The following ATP13A3 variants were observed in gnomAD, a reference collection of about 807,000 sequenced individuals.
ATP13A3 encodes the protein ATPase 13A3, also known as polyamine-transporting ATPase 13A3.
A neutral mutation model predicts 158.1 loss-of-function variants in ATP13A3; 59 were observed. The ratio of observed to expected loss-of-function variants is 0.37; its 90% confidence interval spans 0.30 to 0.46. ATP13A3 has a LOEUF of 0.46. ATP13A3 is among the 20% of genes least tolerant of loss of function. The pLI, the probability that ATP13A3 is intolerant of heterozygous loss-of-function variation, is 1.00. For missense variants in ATP13A3, 1,166 were observed against 1,525.2 expected, an observed-to-expected ratio of 0.76 and a Z score of 3.92; for synonymous variants, 491 against 504.3, an observed-to-expected ratio of 0.97 and a Z score of 0.35.
intron 2 of ATP13A3, among the ~76,000 whole-genome samples, chr3:194,492,087 A>ATCT (rs2109097583): frequency 6.6e-6 from 1 of 152,000 alleles, no homozygotes; most frequent in East Asian, 1.9e-4. Context: ...TGGGTCCACA[A>ATCT]AGTCCAGTGC....
intron 7 of ATP13A3, 106 bp from the exon 8 acceptor site, chr3:194,456,068 T>G: frequency 4.8e-6 from 3 of 619,698 alleles, no homozygotes; most frequent in Non-Finnish European, 8.0e-6. Flanking sequence ...TTCTTATTCA[T>G]GTCTCCAAAC....
chr3:194,413,879 G>T (rs761141590), intron 31 of ATP13A3, 40 bp from the exon 32 acceptor site: 1 of 1,522,998 alleles, frequency 6.6e-7, no homozygotes, highest in Non-Finnish European at 9.1e-7. Flanking sequence ...ATTGTTGTAT[G>T]TAGTCAATAT....
chr3:194,455,904 G>C lies in ATP13A3; in HGVS notation c.619C>G (p.Leu207Val), dbSNP rs774954255. Residue 207 changes from leucine (L) to valine (V), a missense_variant, in exon 8 of 34, where the codon CTA becomes GTA. Leu to Val is a conservative substitution (Grantham distance 32). Transcript: ENST00000645319. ...AVKVPSVFKL[L>V]IKEVLNPFYI... The stretch of plus-strand genomic sequence containing the variant: ...ATCAATAGTCTTACCTCTTTAATTA[G>C]AAGCTTAAAAACAGAAGGCACTTTT... 2 of 1,541,022 alleles carry C rather than the reference G, an allele frequency of 1.3e-6. No individual in the cohort carries two copies. The highest frequency in any genetic ancestry group is 2.4e-5 in the South Asian group (2 of 83,310).
chr3:194,407,080 T>C (rs1414593848), intron 33 of ATP13A3, among the ~76,000 whole-genome samples: 3 of 152,188 alleles, frequency 2.0e-5, no homozygotes, highest in Admixed American at 6.5e-5. Flanking sequence ...GTAAACTCAA[T>C]AGAGGGCTGA....
chr3:194,449,984 T>C lies in ATP13A3; in HGVS notation c.970+161A>G, dbSNP rs536271011. Among the ~76,000 whole-genome samples, 20 of 152,214 alleles carry C rather than the reference T, an allele frequency of 1.3e-4. No individual in the cohort carries two copies. The South Asian group carries it at 1.5e-3, about 11-fold the overall frequency. On this transcript the variant is annotated intron_variant, in intron 11 of 33. Coordinates refer to ENST00000645319, the MANE Select transcript of ATP13A3 (RefSeq NM_001367549.1). Reference sequence around the variant, plus strand: ...CAGTATCTAGTATTACAGCTGAGTATAATGCAGAATTCGGTCTACTCAGAA... The same window carrying C: ...CAGTATCTAGTATTACAGCTGAGTACAATGCAGAATTCGGTCTACTCAGAA...
chr3:194,442,907 T>C (rs1718147172), intron 15 of ATP13A3, among the ~76,000 whole-genome samples: 1 of 152,116 alleles, frequency 6.6e-6, no homozygotes, highest in Non-Finnish European at 1.5e-5. Context: ...AACAGCTTCA[T>C]AGTATTGAGA....
intron 30 of ATP13A3, among the ~76,000 whole-genome samples, chr3:194,424,930 A>G (rs187539289): frequency 6.6e-6 from 1 of 152,290 alleles, no homozygotes; most frequent in African/African-American, 2.4e-5. Context: ...TATAATACCT[A>G]CTGTTCCAAC....
At chr3:194,465,241 GGGA>G in intron 2 of ATP13A3, among the ~76,000 whole-genome samples, 1 of 152,286 alleles carries the variant, frequency 6.6e-6, no homozygotes, top group African/African-American at 2.4e-5. Context: ...GGAACTCAGA[GGGA>G]GCCCAGCAGT....
At chr3:194,408,145 A>C (rs1247699188) in intron 33 of ATP13A3, among the ~76,000 whole-genome samples, 1 of 151,106 alleles carries the variant, frequency 6.6e-6, no homozygotes, top group Non-Finnish European at 1.5e-5. Context: ...TCAGCCTCCC[A>C]AGTAGCTGGG....
upstream of ATP13A3, among the ~76,000 whole-genome samples, chr3:194,491,776 CCATCTCTCACCTGGCATGCCCCCT>C (rs1159615293): frequency 1.1e-4 from 12 of 110,268 alleles, no homozygotes; most frequent in African/African-American, 2.5e-4. Context: ...CATGTCCCCT[CCATCTCTCACCTGGCATGCCCCCT>C]CATCTCTCAC....
At chr3:194,430,015 C>T (rs1284706205) in intron 26 of ATP13A3, 57 bp downstream of exon 26, 1 of 1,417,244 alleles carries the variant, frequency 7.1e-7, no homozygotes, top group African/African-American at 1.4e-5. Context: ...ATAATTTTCT[C>T]TTCTGTATTA....
intron 2 of ATP13A3, among the ~76,000 whole-genome samples, chr3:194,478,630 C>G (rs900945869): frequency 3.3e-5 from 5 of 152,108 alleles, no homozygotes; most frequent in Non-Finnish European, 4.4e-5. Context: ...AGGACAGGAT[C>G]AGATTATAAG....
intron 33 of ATP13A3, among the ~76,000 whole-genome samples, chr3:194,410,939 T>TGTTGGG (rs1553794333): frequency 0.014 from 1,260 of 92,800 alleles, 9 homozygotes; most frequent in African/African-American, 0.055. Context: ...GGTGTTGGGG[T>TGTTGGG]GTGTGTGTGT....
At position 194,448,336 on chromosome 3, in the gene ATP13A3, C is replaced by T; in HGVS notation, c.1150+121G>A. On this transcript the variant is annotated intron_variant, in intron 12 of 33. Coordinates refer to ENST00000645319, the MANE Select transcript of ATP13A3 (RefSeq NM_001367549.1). This position sits in a 1 kb window ranked among gnomAD's most constrained non-coding sequence, Gnocchi z 4.0. ...CTCATGATCCGCCCACCTCGGCTTC[C>T]CAAAGTGCTGGGATTACAGGCGTTA... The T allele has an allele frequency of 8.2e-7, 1 of 1,217,712 alleles. No individual in the cohort carries two copies. The highest frequency in any genetic ancestry group is 1.2e-6 in the Non-Finnish European group (1 of 857,626). 75.4% of individuals were successfully genotyped at this position (1,217,712 alleles called of 1,614,324 possible).
rs745800893 is a variant in ATP13A3 at position 194,433,905 on chromosome 3, AAAG to A, written c.2121-12_2121-10del. 37 of 1,612,732 alleles carry A rather than the reference AAAG, an allele frequency of 2.3e-5. No individual in the cohort carries two copies. The highest frequency in any genetic ancestry group is 3.1e-5 in the Non-Finnish European group (36 of 1,179,326). ...TGTTCTCAATTGCATCTCTGCAGAA[AAAG>A]AAGTTTTAACACATAATGGTTTAGT... On this transcript the variant is annotated splice_polypyrimidine_tract_variant and intron_variant, in intron 20 of 33. Coordinates refer to ENST00000645319, the MANE Select transcript of ATP13A3 (RefSeq NM_001367549.1).
At chr3:194,431,061 C>T (rs376211702) in intron 23 of ATP13A3, 39 bp from the exon 24 acceptor site, 19 of 1,613,318 alleles carry the variant, frequency 1.2e-5, no homozygotes, top group Middle Eastern at 3.3e-4. Flanking sequence ...AATACTGTTG[C>T]GATGCATTCA....
intron 2 of ATP13A3, among the ~76,000 whole-genome samples, chr3:194,462,995 A>G (rs1186866362): frequency 2.6e-5 from 4 of 152,230 alleles, no homozygotes; most frequent in African/African-American, 7.2e-5. Flanking sequence ...TACTTCACAC[A>G]ACTCAAAATT....
intron 10 of ATP13A3, 66 bp from the exon 11 acceptor site, chr3:194,450,342 T>C (rs1718718318): frequency 6.8e-7 from 1 of 1,481,124 alleles, no homozygotes; most frequent in Non-Finnish European, 9.3e-7. Flanking sequence ...ATACAGCAAA[T>C]GCTATTCAGA....
chr3:194,452,699 T>C (rs1312300620), intron 10 of ATP13A3: 1 of 152,140 alleles, frequency 6.6e-6, no homozygotes, highest in Non-Finnish European at 1.5e-5. Context: ...TCTTCTCTCC[T>C]TCTCTCAGCC....
Sources: gnomAD v4.1 joint callset for allele counts (sites outside exome capture counted in the v4.1 genomes callset) on GRCh38, gnomAD v4.1.1 for gene constraint, Gnocchi (gnomAD v3.1) non-coding constraint, MANE v1.5 for transcripts, NCBI Gene and HGNC (gene_info 2026-07-23, HGNC 2026-07-21) for gene names.